Variants in LOC400499 observed in about 807,000 individuals in gnomAD.
At chr16:11,490,485 G>T in the LOC400499 span, among the ~76,000 whole-genome samples, 1 of 151,872 alleles carries the variant, frequency 6.6e-6, no homozygotes, top group Non-Finnish European at 1.5e-5. Context: ...AGATCATGAG[G>T]TCAGGAGATT....
the LOC400499 span, among the ~76,000 whole-genome samples, chr16:11,384,583 G>T: frequency 1.3e-5 from 2 of 152,200 alleles, no homozygotes; most frequent in African/African-American, 4.8e-5. Flanking sequence ...AGCTCAAGTG[G>T]CTGGAATCCA....
At chr16:11,442,213 A>G in the LOC400499 span, 5 of 152,142 alleles carry the variant, frequency 3.3e-5, no homozygotes, top group Non-Finnish European at 7.3e-5. Context: ...AGCTTATTTT[A>G]TTCTATTTTA....
chr16:11,377,669 G>T, the LOC400499 span, among the ~76,000 whole-genome samples: 12 of 152,308 alleles, frequency 7.9e-5, no homozygotes, highest in South Asian at 1.4e-3. Flanking sequence ...TGATCATGGT[G>T]TGTAATCCTT....
chr16:11,488,978 G>A, the LOC400499 span: 8 of 396,276 alleles, frequency 2.0e-5, no homozygotes, highest in East Asian at 7.1e-5. Flanking sequence ...CAATTCCCAC[G>A]CACGGGGGCT....
chr16:11,460,611 C>T, the LOC400499 span: 5 of 1,529,928 alleles, frequency 3.3e-6, no homozygotes, highest in Non-Finnish European at 4.4e-6. Flanking sequence ...TTTGCCTGAC[C>T]TGTGTGGATC....
chr16:11,509,517 G>A, the LOC400499 span, among the ~76,000 whole-genome samples: 2 of 151,586 alleles, frequency 1.3e-5, no homozygotes, highest in South Asian at 4.2e-4. Flanking sequence ...GCAGAACAAT[G>A]TATGGTGCAA....
chr16:11,437,567 A>T, the LOC400499 span, among the ~76,000 whole-genome samples: 1 of 151,300 alleles, frequency 6.6e-6, no homozygotes, highest in Non-Finnish European at 1.5e-5. Context: ...TTAAAAATTA[A>T]AATTAAAATT....
At chr16:11,471,051 C>T in the LOC400499 span, among the ~76,000 whole-genome samples, 1 of 152,160 alleles carries the variant, frequency 6.6e-6, no homozygotes, top group Non-Finnish European at 1.5e-5. Context: ...TGGGTCACGG[C>T]GTCTGGCTCC....
chr16:11,392,385 G>C, the LOC400499 span: 1 of 398,984 alleles, frequency 2.5e-6, no homozygotes, highest in Non-Finnish European at 4.4e-6. Context: ...TTGGCAGCCT[G>C]CAGGGTCAGG....
chr16:11,480,423 C>T, the LOC400499 span, among the ~76,000 whole-genome samples: 7 of 152,272 alleles, frequency 4.6e-5, no homozygotes, highest in Non-Finnish European at 7.4e-5. Context: ...TGTGACCAAG[C>T]GAACCAATGC....
chr16:11,481,278 AGTG>A, the LOC400499 span, among the ~76,000 whole-genome samples: 1 of 152,198 alleles, frequency 6.6e-6, no homozygotes, highest in South Asian at 2.1e-4. Context: ...ACGAGACAGA[AGTG>A]GTGGTGGCAC....
chr16:11,438,488 G>A, the LOC400499 span, among the ~76,000 whole-genome samples: 3 of 151,874 alleles, frequency 2.0e-5, no homozygotes, highest in Non-Finnish European at 4.4e-5. Context: ...AATGCTATCA[G>A]GGCTGGGCGC....
the LOC400499 span, chr16:11,515,894 T>G: frequency 6.1e-5 from 1 of 16,386 alleles, no homozygotes; most frequent in Non-Finnish European, 1.6e-4. Context: ...CAGCCCAGCC[T>G]AGCCCAGCCC....
the LOC400499 span, among the ~76,000 whole-genome samples, chr16:11,457,579 C>T: frequency 7.3e-6 from 1 of 136,942 alleles, no homozygotes; most frequent in Non-Finnish European, 1.5e-5. Flanking sequence ...GGCACAGGGC[C>T]AGACTCCATC....
At chr16:11,511,600 C>G in the LOC400499 span, among the ~76,000 whole-genome samples, 6 of 152,224 alleles carry the variant, frequency 3.9e-5, no homozygotes, top group Non-Finnish European at 8.8e-5. Context: ...AAAGGGCACA[C>G]TTTATGACCC....
At chr16:11,490,876 G>A in the LOC400499 span, among the ~76,000 whole-genome samples, 19 of 152,208 alleles carry the variant, frequency 1.2e-4, no homozygotes, top group African/African-American at 4.6e-4. Context: ...AATACTGGGG[G>A]GAAGAGGAAG....
At chr16:11,475,174 C>T in the LOC400499 span, among the ~76,000 whole-genome samples, 1 of 151,982 alleles carries the variant, frequency 6.6e-6, no homozygotes, top group South Asian at 2.1e-4. Context: ...CCCCTTTAAA[C>T]AAAGGGAGGG....
chr16:11,520,594 G>T, the LOC400499 span, among the ~76,000 whole-genome samples: 2 of 151,648 alleles, frequency 1.3e-5, no homozygotes, highest in Non-Finnish European at 2.9e-5. Context: ...TTGAACTGGG[G>T]AGGCGGAGAT....
the LOC400499 span, chr16:11,460,416 G>C: frequency 4.8e-6 from 7 of 1,464,054 alleles, no homozygotes; most frequent in African/African-American, 8.4e-5. Flanking sequence ...AGGGTACTCA[G>C]ATCACCACTT....
Sources: gnomAD v4.1 joint callset for allele counts (sites outside exome capture counted in the v4.1 genomes callset) on GRCh38, gnomAD v4.1.1 for gene constraint, MANE v1.5 for transcripts.